CDH18: variants seen among roughly 807,000 people sequenced by gnomAD.
The protein encoded by CDH18 is cadherin-18.
Under a neutral mutation model 67.9 loss-of-function variants are expected in CDH18, and 31 were observed. The ratio of observed to expected loss-of-function variants is 0.46; its 90% CI spans 0.34 to 0.62. The LOEUF (loss-of-function observed/expected upper bound fraction) is 0.62. CDH18 is among the 20% of genes least tolerant of loss of function. The pLI, the probability that CDH18 is intolerant of heterozygous loss-of-function variation, is 0.01. For missense variants in CDH18, 890 were observed against 975.5 expected (o/e 0.91, Z 1.17); for synonymous variants, 362 against 347.2 (o/e 1.04, Z -0.48).
At chr5:19,642,725 A>G (rs1156721038) in intron 5 of CDH18, among the ~76,000 whole-genome samples, 1 of 152,102 alleles carries the variant, frequency 6.6e-6, no homozygotes, top group Non-Finnish European at 1.5e-5. Context: ...AGTACTAGAA[A>G]AAAAAGATAG....
At chr5:20,075,937 A>G (rs966579791) in intron 2 of CDH18, among the ~76,000 whole-genome samples, 9 of 152,196 alleles carry the variant, frequency 5.9e-5, no homozygotes, top group African/African-American at 2.2e-4. Context: ...GAATTAAAAA[A>G]CAATCTAGGG....
At chr5:19,712,776 A>C (rs1764869854) in intron 5 of CDH18, among the ~76,000 whole-genome samples, 2 of 151,298 alleles carry the variant, frequency 1.3e-5, no homozygotes, top group South Asian at 4.1e-4. Flanking sequence ...AAAATTGTGG[A>C]ACATTAATAA....
intron 2 of CDH18, among the ~76,000 whole-genome samples, chr5:19,974,931 C>T (rs968432476): frequency 3.9e-5 from 6 of 151,918 alleles, no homozygotes; most frequent in Non-Finnish European, 7.4e-5. Flanking sequence ...AAGTGTGTCC[C>T]GTAGGGCCAT....
chr5:20,514,365 C>T (rs574959857), intron 1 of CDH18, among the ~76,000 whole-genome samples: 24 of 152,130 alleles, frequency 1.6e-4, no homozygotes, highest in African/African-American at 2.2e-4. Context: ...TAGAAGAAGC[C>T]GCAGCTTCTT....
At chr5:19,921,342 T>C (rs191098058) in intron 2 of CDH18, among the ~76,000 whole-genome samples, 47 of 152,104 alleles carry the variant, frequency 3.1e-4, no homozygotes, top group Middle Eastern at 3.4e-3. Context: ...CTATCCTGGC[T>C]AACACAGTGA....
At chr5:20,559,609 A>G (rs1200397191) in intron 1 of CDH18, among the ~76,000 whole-genome samples, 1 of 152,130 alleles carries the variant, frequency 6.6e-6, no homozygotes, top group Non-Finnish European at 1.5e-5. Context: ...TGATATAAAA[A>G]TAGTAATGTC....
chr5:19,909,049 T>C (rs1353695429), intron 2 of CDH18, among the ~76,000 whole-genome samples: 1 of 152,144 alleles, frequency 6.6e-6, no homozygotes, highest in Non-Finnish European at 1.5e-5. Context: ...TATCCTCAGA[T>C]ACATTACCTT....
intron 1 of CDH18, among the ~76,000 whole-genome samples, chr5:20,264,723 TAATAA>T (rs1390064777): frequency 6.6e-6 from 1 of 152,120 alleles, no homozygotes; most frequent in African/African-American, 2.4e-5. Context: ...AAGTCACACA[TAATAA>T]AATAAGTCCA....
intron 2 of CDH18, among the ~76,000 whole-genome samples, chr5:20,097,728 AT>A (rs1420538676): frequency 2.0e-5 from 3 of 152,188 alleles, no homozygotes; most frequent in Non-Finnish European, 2.9e-5. Flanking sequence ...GTATGTTGTG[AT>A]AATTAATGTA....
chr5:20,045,293 A>G (rs1310709770), intron 2 of CDH18, among the ~76,000 whole-genome samples: 1 of 152,116 alleles, frequency 6.6e-6, no homozygotes, highest in African/African-American at 2.4e-5. Flanking sequence ...TGGAGCAATC[A>G]TTTTTGGTTG....
At chr5:20,354,675 G>C (rs1277490321) in intron 1 of CDH18, among the ~76,000 whole-genome samples, 4 of 152,140 alleles carry the variant, frequency 2.6e-5, no homozygotes, top group Non-Finnish European at 5.9e-5. Context: ...GTGTCCCAAA[G>C]TGCTGGGATT....
chr5:19,563,814 A>G (rs528620851), intron 8 of CDH18, among the ~76,000 whole-genome samples: 1 of 152,306 alleles, frequency 6.6e-6, no homozygotes, highest in African/African-American at 2.4e-5. Context: ...TGAATGGGGC[A>G]CTGAAGAGCA....
intron 4 of CDH18, among the ~76,000 whole-genome samples, chr5:19,737,444 G>T (rs1356285892): frequency 6.6e-6 from 1 of 151,930 alleles, no homozygotes; most frequent in Non-Finnish European, 1.5e-5. Flanking sequence ...CCATAAACCT[G>T]GTCATTTTGT....
intron 1 of CDH18, among the ~76,000 whole-genome samples, chr5:20,392,503 A>G (rs889532790): frequency 3.3e-5 from 5 of 151,862 alleles, no homozygotes; most frequent in African/African-American, 1.2e-4. Flanking sequence ...TTTCTAGCTA[A>G]AATTTTCTTA....
intron 1 of CDH18, among the ~76,000 whole-genome samples, chr5:20,535,051 G>A (rs1756636354): frequency 1.3e-5 from 2 of 151,830 alleles, no homozygotes; most frequent in South Asian, 2.1e-4. Flanking sequence ...TTTTCACTTT[G>A]GATGCAAACA....
In CDH18 at chr5:19,774,521, G is replaced by A. The variant is rs1303730364; in HGVS notation, c.229-27285C>T. Reference sequence around the variant, plus strand: ...GAGCCCTCATGAATGGGATAAGCACGCTTATGAAAGGGACCTCAGTCTGGG... The same window carrying A: ...GAGCCCTCATGAATGGGATAAGCACACTTATGAAAGGGACCTCAGTCTGGG... On this transcript the variant is annotated intron_variant, in intron 3 of 12. Coordinates refer to ENST00000382275, the MANE Select transcript of CDH18 (RefSeq NM_004934.5). 4.6e-5 allele frequency among the ~76,000 whole-genome samples: 7 copies of A among 151,280 alleles called. No homozygotes were observed. In the East Asian group the frequency reaches 7.7e-4, roughly 17 times the overall value.
At chr5:20,436,908 G>T (rs1008805874) in intron 1 of CDH18, among the ~76,000 whole-genome samples, 1 of 151,368 alleles carries the variant, frequency 6.6e-6, no homozygotes, top group Admixed American at 6.6e-5. Flanking sequence ...GGAACATTTA[G>T]ATTTGAGTTA....
chr5:20,440,934 T>C (rs762952600), intron 1 of CDH18, among the ~76,000 whole-genome samples: 2 of 151,950 alleles, frequency 1.3e-5, no homozygotes, highest in Non-Finnish European at 2.9e-5. Context: ...GCAAGTTACG[T>C]AAGAACACAG....
intron 1 of CDH18, among the ~76,000 whole-genome samples, chr5:20,427,132 A>G (rs1748363807): frequency 6.6e-6 from 1 of 151,170 alleles, no homozygotes; most frequent in African/African-American, 2.5e-5. Context: ...TATTTGATAT[A>G]TTACATTTCG....
Sources: allele counts gnomAD v4.1 joint callset (sites outside exome capture counted in the v4.1 genomes callset), GRCh38; gene constraint gnomAD v4.1.1; transcripts MANE v1.5; gene names NCBI Gene and HGNC (gene_info 2026-07-23, HGNC 2026-07-21).